CELSR3: variants seen among roughly 807,000 people sequenced by gnomAD.
CELSR3 encodes the protein EGF-like protein 1.
A neutral mutation model predicts 270.0 loss-of-function variants in CELSR3; 73 were observed. The observed-to-expected ratio is 0.27, with a 90% CI of 0.22 to 0.33. The LOEUF (loss-of-function observed/expected upper bound fraction) is 0.33, where lower values mean the gene tolerates loss of function less well. Among genes scored for constraint, CELSR3 ranks in the 10% least tolerant of loss-of-function variants. The probability of loss-of-function intolerance (pLI) is 1.00; values close to 1 mark genes in which losing one functional copy is unlikely to be tolerated. For missense variants in CELSR3, 3,614 were observed against 4,533.8 expected (o/e 0.80, Z 5.83); for synonymous variants, 1,780 against 1,905.4 (o/e 0.93, Z 1.71).
In CELSR3 at chr3:48,661,949, G is replaced by A. The variant is rs1452016887; in HGVS notation, c.686C>T (p.Ala229Val). ...CCCTGGAAGACAGTTCCGCCGGGGG[G>A]CTGTCCTTTCTGCTCCGGATGTCGT... ...RATTSGAERT[A>V]PRRNCLPGAS... Residue 229 changes from alanine to valine, a missense_variant, in exon 1 of 35, where the codon GCC becomes GTC. Ala to Val is a moderately conservative substitution (Grantham distance 64). This residue lies in a region of CELSR3 where 470 missense variants were observed against 469.7 expected (regional missense o/e 1.00). Transcript: ENST00000164024. The A allele has an allele frequency of 2.5e-6, 4 of 1,613,534 alleles. No homozygotes were observed. Among genetic ancestry groups the A allele is most frequent in the Non-Finnish European group, 2.5e-6 (3 of 1,180,046 alleles).
intron 3 of CELSR3, 66 bp downstream of exon 3, chr3:48,656,074 G>A: frequency 3.0e-6 from 4 of 1,331,432 alleles, no homozygotes; most frequent in Non-Finnish European, 3.0e-6. Flanking sequence ...GGGCAGTCAG[G>A]AATCTGAGTC....
At position 48,639,211 on chromosome 3, in the gene CELSR3, T is replaced by G. The variant is rs1240977140; in HGVS notation, c.9911+463A>C. On this transcript the variant is annotated intron_variant, in intron 34 of 34. Coordinates refer to ENST00000164024, the MANE Select transcript of CELSR3 (RefSeq NM_001407.3). The surrounding 1 kb of genome is among the most constrained non-coding windows in gnomAD (Gnocchi z 4.1). Reference sequence around the variant, plus strand: ...CTGAATACATCGATGAATGAATGATTTATCCTCAACAAAGCAAGCCCTTCA... The same window carrying G: ...CTGAATACATCGATGAATGAATGATGTATCCTCAACAAAGCAAGCCCTTCA... Among the ~76,000 whole-genome samples, 1 of 152,094 alleles carries G rather than the reference T, an allele frequency of 6.6e-6. No individual in the cohort carries two copies. The highest frequency in any genetic ancestry group is 6.5e-5 in the Admixed American group (1 of 15,274).
At position 48,636,645 on chromosome 3, in the gene CELSR3, G is replaced by C. The variant is rs1575535624; in HGVS notation, c.*1560C>G. 1 of 152,196 alleles carries C rather than the reference G, an allele frequency of 6.6e-6. No individual in the cohort carries two copies. The highest frequency in any genetic ancestry group is 2.1e-4 in the South Asian group (1 of 4,818). 9.4% of individuals were successfully genotyped at this position (152,196 alleles called of 1,614,324 possible). On this transcript the variant is annotated 3_prime_UTR_variant, in exon 35 of 35. Transcript: ENST00000164024. ...GCCACTCAGCCCTTCAAGAGCTGGG[G>C]TCCTTCTCGGTAAGGAGAGTTTGGG...
rs746199912 is a variant in CELSR3, at chr3:48,648,883, C to A, written c.6613G>T (p.Ala2205Ser). 2 of 1,612,880 alleles carry A rather than the reference C, an allele frequency of 1.2e-6. No individual in the cohort carries two copies. Among genetic ancestry groups the A allele is most frequent in the Non-Finnish European group, 1.7e-6 (2 of 1,180,002 alleles). ...LNKTALDTME[A>S]KKLAQRLREV... ...CGTAGCCGCTGAGCCAGCTTCTTGG[C>A]CTCCATGGTATCCAGTGCCGTCTTG... Residue 2205 changes from alanine (A) to serine (S), a missense_variant, in exon 18 of 35, where the codon GCC becomes TCC. Around this residue, in one of 7 missense-constraint regions of CELSR3, gnomAD observed 1,331 missense variants for 1,933.7 expected, o/e 0.69. Coordinates refer to ENST00000164024, the MANE Select transcript of CELSR3 (RefSeq NM_001407.3).
In CELSR3 at chr3:48,645,708, C is replaced by G. The variant is rs1258391347; in HGVS notation, c.7590+34G>C. The stretch of plus-strand genomic sequence containing the variant: ...GCAGAATCCCCGTGTCCCTTTGACC[C>G]CCCACTTCCTTGGGACACTGAACAC... On this transcript the variant is annotated intron_variant, in intron 23 of 34. Coordinates refer to ENST00000164024, the MANE Select transcript of CELSR3 (RefSeq NM_001407.3). The surrounding 1 kb of genome is among the most constrained non-coding windows in gnomAD (Gnocchi z 5.4). 1 of 1,600,404 alleles carries G rather than the reference C, an allele frequency of 6.2e-7. No individual in the cohort carries two copies. The highest frequency in any genetic ancestry group is 8.5e-7 in the Non-Finnish European group (1 of 1,169,978).
In CELSR3 at chr3:48,651,346, G is replaced by A. The variant is rs758355793; in HGVS notation, c.6186+13C>T. 1.2e-6 allele frequency: 2 copies of A among 1,613,768 alleles called. No homozygotes were observed. Among genetic ancestry groups the A allele is most frequent in the African/African-American group, 1.3e-5 (1 of 74,918 alleles). On this transcript the variant is annotated intron_variant, in intron 14 of 34. Transcript: ENST00000164024. This position sits in a 1 kb window ranked among gnomAD's most constrained non-coding sequence, Gnocchi z 7.4. ...GTCCAAGGAAGGGTTAAAAGGTCAG[G>A]GGCCAGGCGCACCTTGCAGTGACAC...
rs1294365009 is a variant in CELSR3 at position 48,651,233 on chromosome 3, C to A, written c.6186+126G>T. On this transcript the variant is annotated intron_variant, in intron 14 of 34. Coordinates refer to ENST00000164024, the MANE Select transcript of CELSR3 (RefSeq NM_001407.3). This position sits in a 1 kb window ranked among gnomAD's most constrained non-coding sequence, Gnocchi z 7.4. ...GGGGTCACGGGTAAAGGATGAGAGACAGCAACTTGGTCACAGGACACAGGC... is the reference window on the plus strand; with the variant it reads ...GGGGTCACGGGTAAAGGATGAGAGAAAGCAACTTGGTCACAGGACACAGGC... 6.6e-7 allele frequency: 1 copy of A among 1,509,024 alleles called. No individual in the cohort carries two copies. Among genetic ancestry groups the A allele is most frequent in the Non-Finnish European group, 9.1e-7 (1 of 1,104,266 alleles). The allele number at this position is 1,509,024 out of a possible 1,614,324, so 93.5% of individuals were successfully genotyped here.
rs1461002288 is a variant in CELSR3, at chr3:48,641,811, C to A, written c.8824+40G>T. ...GGAGCTGGAGGGATAACAAATGGGG[C>A]ATCCCTTGGTCACCCAAGGGGTCAG... On this transcript the variant is annotated intron_variant, in intron 32 of 34. Transcript: ENST00000164024. The surrounding 1 kb of genome is among the most constrained non-coding windows in gnomAD (Gnocchi z 4.8). 1 of 1,422,436 alleles carries A rather than the reference C, an allele frequency of 7.0e-7. No homozygotes were observed. Among genetic ancestry groups the A allele is most frequent in the Non-Finnish European group, 9.2e-7 (1 of 1,082,260 alleles). 88.1% of individuals were successfully genotyped at this position (1,422,436 alleles called of 1,614,324 possible).
At chr3:48,648,603 G>T in intron 18 of CELSR3, 116 bp downstream of exon 18, 1 of 1,393,468 alleles carries the variant, frequency 7.2e-7, no homozygotes, top group Admixed American at 2.1e-5. Context: ...AGGACAGAGG[G>T]AGAGCCCAGG....
rs2077072748 is a variant in CELSR3, at chr3:48,662,177, A to G, written c.458T>C (p.Leu153Pro). Reference protein sequence around the residue: ...GRTGPLQRGSLSPGALSSGVP... With the variant: ...GRTGPLQRGSPSPGALSSGVP... ...CCCTGAGGACAGAGCCCCTGGTGAC[A>G]GACTACCTCTTTGCAAAGGTCCTGT... is the stretch of plus-strand genomic sequence containing the variant. The change falls in exon 1 of 35, where the codon CTG (leucine) becomes CCG (proline). Residue 153 changes from leucine to proline, a missense_variant. Transcript: ENST00000164024. The surrounding 1 kb of genome is among the most constrained non-coding windows in gnomAD (Gnocchi z 7.1). 1 of 1,612,210 alleles carries G rather than the reference A, an allele frequency of 6.2e-7. No individual in the cohort carries two copies.
chr3:48,661,623 C>A lies in CELSR3; in HGVS notation c.1012G>T (p.Glu338Ter), dbSNP rs371289532. The A allele has an allele frequency of 6.2e-7, 1 of 1,605,574 alleles. No individual in the cohort carries two copies. The highest frequency in any genetic ancestry group is 8.5e-7 in the Non-Finnish European group (1 of 1,176,250). ...CGTAGCACCGCGGTGCCTGCTGCCTCATTCTCCGGCACCAGCGTCTGGTAG... is the reference window on the plus strand; with the variant it reads ...CGTAGCACCGCGGTGCCTGCTGCCTAATTCTCCGGCACCAGCGTCTGGTAG... ...YNYQTLVPEN[E>*]AAGTAVLRVV... The change falls in exon 1 of 35, where the codon GAG becomes TAG. Residue 338 changes from glutamate (E) to a stop codon, truncating the protein, a stop_gained. Transcript: ENST00000164024. LOFTEE classifies it high-confidence loss of function.
Position 48,642,096 on chromosome 3 carries a change from G to C in CELSR3, c.8666-87C>G. 1 of 1,312,710 alleles carries C rather than the reference G, an allele frequency of 7.6e-7. No individual in the cohort carries two copies. The highest frequency in any genetic ancestry group is 1.0e-6 in the Non-Finnish European group (1 of 967,862). 81.3% of individuals were successfully genotyped at this position (1,312,710 alleles called of 1,614,324 possible). Reference sequence around the variant, plus strand: ...GAGTTGAGGGTCTAGAGGTGGGTACGGCAAGGGGGTTAGGGTTGGGGACAG... The same window carrying C: ...GAGTTGAGGGTCTAGAGGTGGGTACCGCAAGGGGGTTAGGGTTGGGGACAG... On this transcript the variant is annotated intron_variant, in intron 31 of 34. Coordinates refer to ENST00000164024, the MANE Select transcript of CELSR3 (RefSeq NM_001407.3). The surrounding 1 kb of genome is among the most constrained non-coding windows in gnomAD (Gnocchi z 6.1).
rs966004938 is a variant in CELSR3, at chr3:48,637,055, A to C, written c.*1150T>G. ...AAACTCAAAGTTTTGAGTTGTAAAC[A>C]AAGTAAAAACATTTTTTGAATCTGG... is the stretch of plus-strand genomic sequence containing the variant. On this transcript the variant is annotated 3_prime_UTR_variant, in exon 35 of 35. Coordinates refer to ENST00000164024, the MANE Select transcript of CELSR3 (RefSeq NM_001407.3). The C allele has an allele frequency of 6.6e-5, 10 of 152,552 alleles. No homozygotes were observed. The highest frequency in any genetic ancestry group is 1.7e-4 in the African/African-American group (7 of 41,468). 9.4% of individuals were successfully genotyped at this position (152,552 alleles called of 1,614,324 possible).
In CELSR3 at chr3:48,653,081, C is replaced by A; in HGVS notation, c.5555G>T (p.Arg1852Leu). ...TVSDGRWHDL[R>L]LELQEEPGGR... The stretch of plus-strand genomic sequence containing the variant: ...ACCTGGTTCCTCCTGCAACTCCAGC[C>A]GCAGATCGTGCCACCGGCCATCACT... Residue 1852 changes from arginine to leucine, a missense_variant, in exon 10 of 35, where the codon CGG becomes CTG. This residue lies in a region of CELSR3 where 1,331 missense variants were observed against 1,933.7 expected (regional missense o/e 0.69). Transcript: ENST00000164024. This position sits in a 1 kb window ranked among gnomAD's most constrained non-coding sequence, Gnocchi z 6.5. 1 of 1,613,304 alleles carries A rather than the reference C, an allele frequency of 6.2e-7. No homozygotes were observed. Among genetic ancestry groups the A allele is most frequent in the African/African-American group, 1.3e-5 (1 of 75,026 alleles).
chr3:48,649,561 C>T (rs564512346), intron 16 of CELSR3, among the ~76,000 whole-genome samples: 1 of 152,326 alleles, frequency 6.6e-6, no homozygotes, highest in Non-Finnish European at 1.5e-5. Flanking sequence ...ATGGACCAGA[C>T]CAGTACGCAG....
chr3:48,640,941 T>A lies in CELSR3; in HGVS notation c.9026-382A>T, dbSNP rs1423320442. ...TCCCCAGGTCCCTGTGATGCAAGGG[T>A]GAGGGCAGAAACCTCTTCTCCGGGT... is the stretch of plus-strand genomic sequence containing the variant. On this transcript the variant is annotated intron_variant, in intron 33 of 34. Coordinates refer to ENST00000164024, the MANE Select transcript of CELSR3 (RefSeq NM_001407.3). This position sits in a 1 kb window ranked among gnomAD's most constrained non-coding sequence, Gnocchi z 7.5. The A allele has an allele frequency of 1.9e-5, 7 of 367,164 alleles. No individual in the cohort carries two copies. In the East Asian group the frequency reaches 3.5e-4, roughly 18 times the overall value. 22.7% of individuals were successfully genotyped at this position (367,164 alleles called of 1,614,324 possible).
chr3:48,654,304 TA>T lies in CELSR3; in HGVS notation c.5136del (p.Asn1712LysfsTer62). 6.2e-7 allele frequency: 1 copy of T among 1,613,744 alleles called. No individual in the cohort carries two copies. ...TCAGGCCTACCTGCCATGGTGCCATTATTTGCGACAAAAGCCGCCATGTCCA... is the reference window on the plus strand; with the variant it reads ...TCAGGCCTACCTGCCATGGTGCCATTTTTGCGACAAAAGCCGCCATGTCCA... ...RRVDMAAFVA[N>X]NGTMAGCQAK... On this transcript the variant is annotated frameshift_variant, in exon 7 of 35. Coordinates refer to ENST00000164024, the MANE Select transcript of CELSR3 (RefSeq NM_001407.3). LOFTEE classifies it high-confidence loss of function. This position sits in a 1 kb window ranked among gnomAD's most constrained non-coding sequence, Gnocchi z 5.4.
chr3:48,638,116 C>G lies in CELSR3; in HGVS notation c.*89G>C. On this transcript the variant is annotated 3_prime_UTR_variant, in exon 35 of 35. Coordinates refer to ENST00000164024, the MANE Select transcript of CELSR3 (RefSeq NM_001407.3). The stretch of plus-strand genomic sequence containing the variant: ...CCACCACTGGGGAGCAGGAGGCTGC[C>G]TTGGGATCTGCCCCCACTCCTGGAG... 2.5e-6 allele frequency: 3 copies of G among 1,211,706 alleles called. No homozygotes were observed. The highest frequency in any genetic ancestry group is 3.7e-6 in the Non-Finnish European group (3 of 817,356). 75.1% of individuals were successfully genotyped at this position (1,211,706 alleles called of 1,614,324 possible). A position where few individuals can be genotyped will look rare whatever the true frequency, so the allele number is the denominator to read the frequency against.
At position 48,659,455 on chromosome 3, in the gene CELSR3, C is replaced by G; in HGVS notation, c.3180G>C (p.Val1060=). ...PVSIQVMVQD[V]NDNAPVFPAE... ...CTGGGAAGACAGGTGCATTGTCGTT[C>G]ACATCCTGCACCATCACCTGGATAC... The change falls in exon 1 of 35, where the codon GTG becomes GTC. Residue 1060 remains valine, a synonymous_variant. Transcript: ENST00000164024. This position sits in a 1 kb window ranked among gnomAD's most constrained non-coding sequence, Gnocchi z 8.1. 1 of 1,614,206 alleles carries G rather than the reference C, an allele frequency of 6.2e-7. No homozygotes were observed. The highest frequency in any genetic ancestry group is 8.5e-7 in the Non-Finnish European group (1 of 1,180,040).
Sources: allele counts gnomAD v4.1 joint callset (sites outside exome capture counted in the v4.1 genomes callset), GRCh38; gene constraint gnomAD v4.1.1; regional missense constraint gnomAD v4.1.1; non-coding constraint Gnocchi (gnomAD v3.1); transcripts MANE v1.5; gene names NCBI Gene and HGNC (gene_info 2026-07-23, HGNC 2026-07-21).